Variants in NRN1 observed in about 807,000 individuals in gnomAD.
NRN1 encodes the protein neuritin.
In NRN1, 4 loss-of-function variants were observed where a neutral mutation model predicts 15.0. The ratio of observed to expected loss-of-function variants is 0.27; its 90% CI spans 0.13 to 0.61. The LOEUF is 0.61. Ranked by LOEUF, NRN1 falls within the 20% of genes least tolerant of loss-of-function variation. NRN1 has a pLI of 0.87. For synonymous variants in NRN1, 85 were observed against 79.8 expected (o/e 1.07, Z -0.35); for missense variants, 134 against 181.9 (o/e 0.74, Z 1.51).
chr6:6,004,061 T>A (rs905920134), intron 1 of NRN1: 19 of 1,136,976 alleles, frequency 1.7e-5, no homozygotes, highest in Non-Finnish European at 1.9e-5. Flanking sequence ...TCCGAGAGCG[T>A]ACCCGTTTGC....
chr6:6,002,571 C>T (rs1757983517), intron 1 of NRN1, 74 bp from the exon 2 acceptor site: 3 of 1,555,188 alleles, frequency 1.9e-6, no homozygotes, highest in South Asian at 1.2e-5. Flanking sequence ...TCCTGCGAGA[C>T]CCTGGCTCCG....
At position 5,999,212 on chromosome 6, in the gene NRN1, G is replaced by A. The variant is rs1044474589; in HGVS notation, c.201-8C>T. ...TGGAAATCCTCCCAGTATCTGGTGA[G>A]GAACAGAACAAAACAGAACAAGCAG... is the stretch of plus-strand genomic sequence containing the variant. On this transcript the variant is annotated splice_region_variant and splice_polypyrimidine_tract_variant and intron_variant, in intron 2 of 2. Coordinates refer to ENST00000244766, the MANE Select transcript of NRN1 (RefSeq NM_016588.3). The A allele has an allele frequency of 3.7e-6, 6 of 1,609,568 alleles. No homozygotes were observed. The highest frequency in any genetic ancestry group is 5.1e-6 in the Non-Finnish European group (6 of 1,176,986).
In NRN1 at chr6:6,000,754, C is replaced by G. The variant is rs685152; in HGVS notation, c.201-1550G>C. On this transcript the variant is annotated intron_variant, in intron 2 of 2. Transcript: ENST00000244766. ...TTTTTTTTTTTTTTTTTTTTATGTACGCCCAGATGAGGGCAGAGTTCTGAG... is the reference window on the plus strand; with the variant it reads ...TTTTTTTTTTTTTTTTTTTTATGTAGGCCCAGATGAGGGCAGAGTTCTGAG... 1.8e-4 allele frequency among the ~76,000 whole-genome samples: 15 copies of G among 83,730 alleles called. 1 individual carries two copies. The highest frequency in any genetic ancestry group is 1.1e-3 in the Admixed American group (9 of 8,208). The allele number at this position is 83,730 out of a possible 152,430, so 54.9% of individuals were successfully genotyped here.
Position 6,006,713 on chromosome 6 carries a change from T to A in NRN1, c.37A>T (p.Ile13Phe), listed in dbSNP as rs938724602. The change falls in exon 1 of 3, where the codon ATC becomes TTC. Residue 13 changes from isoleucine (I) to phenylalanine (F), a missense_variant. Physicochemically the swap from Ile to Phe is conservative, Grantham distance 21. Coordinates refer to ENST00000244766, the MANE Select transcript of NRN1 (RefSeq NM_016588.3). ...LKLNGRYISL[I>F]LAVQIAYLVQ... Reference sequence around the variant, plus strand: ...CACTTACCTATTTGCACCGCGAGGATCAGTGAAATATATCTGCCGTTCAAC... The same window carrying A: ...CACTTACCTATTTGCACCGCGAGGAACAGTGAAATATATCTGCCGTTCAAC... 3.1e-6 allele frequency: 5 copies of A among 1,614,018 alleles called. No homozygotes were observed. The highest frequency in any genetic ancestry group is 4.2e-6 in the Non-Finnish European group (5 of 1,180,008).
At chr6:6,002,070 G>T (rs942884071) in intron 2 of NRN1, among the ~76,000 whole-genome samples, 1 of 152,204 alleles carries the variant, frequency 6.6e-6, no homozygotes, top group East Asian at 1.9e-4. Context: ...TCGAGCATGC[G>T]CACCTCTGTG....
chr6:5,999,007 G>A lies in NRN1; in HGVS notation c.398C>T (p.Ser133Leu), dbSNP rs750832871. The A allele has an allele frequency of 5.0e-6, 8 of 1,612,866 alleles. No individual in the cohort carries two copies. Among genetic ancestry groups the A allele is most frequent in the South Asian group, 2.2e-5 (2 of 91,028 alleles). Residue 133 changes from serine (S) to leucine (L), a missense_variant, in exon 3 of 3, where the codon TCG becomes TTG. Physicochemically the swap from Ser to Leu is moderately radical, Grantham distance 145. Transcript: ENST00000244766. ...GGAAAGCCAGGTCGCTAAAGCTGCC[G>A]AGAGAGACACCAGGAGCACCGGGAA... ...PAFPVLLVSL[S>L]AALATWLSF
intron 2 of NRN1, among the ~76,000 whole-genome samples, chr6:5,999,424 G>A (rs1448081613): frequency 6.6e-6 from 1 of 152,246 alleles, no homozygotes; most frequent in African/African-American, 2.4e-5. Flanking sequence ...CGGGGGTGGG[G>A]GGGCGCCCCC....
chr6:6,001,352 G>T (rs1757940300), intron 2 of NRN1, among the ~76,000 whole-genome samples: 2 of 152,270 alleles, frequency 1.3e-5, no homozygotes, highest in Non-Finnish European at 2.9e-5. Context: ...CAGTTATTTT[G>T]GGGGTGGGGG....
At chr6:6,003,555 C>T (rs1286718838) in intron 1 of NRN1, 2 of 558,072 alleles carry the variant, frequency 3.6e-6, no homozygotes, top group Non-Finnish European at 5.4e-6. Context: ...GGACTCCCTG[C>T]AGAGAGCAGG....
intron 1 of NRN1, 45 bp from the exon 2 acceptor site, chr6:6,002,542 C>G (rs543272162): frequency 3.1e-6 from 5 of 1,592,472 alleles, no homozygotes; most frequent in Non-Finnish European, 4.3e-6. Context: ...ACGACCCCGC[C>G]CTGCCGCCCA....
chr6:6,006,964 G>T (rs1198524484), upstream of NRN1: 4 of 228,458 alleles, frequency 1.8e-5, no homozygotes, highest in African/African-American at 8.3e-5. Context: ...AGAGGCTGAG[G>T]GGGGGGGGAG....
At chr6:6,003,267 G>T (rs1000659634) in intron 1 of NRN1, 2 of 1,234,434 alleles carry the variant, frequency 1.6e-6, no homozygotes, top group Admixed American at 8.4e-5. Context: ...CGCGGATGAT[G>T]AGTGGTCTGG....
At chr6:6,000,262 G>A (rs1757906495) in intron 2 of NRN1, among the ~76,000 whole-genome samples, 1 of 152,170 alleles carries the variant, frequency 6.6e-6, no homozygotes, top group Non-Finnish European at 1.5e-5. Flanking sequence ...CCCAGGCTCA[G>A]CTCCTAGACC....
chr6:6,003,987 G>T (rs1395761743), intron 1 of NRN1: 7 of 1,217,274 alleles, frequency 5.8e-6, no homozygotes, highest in Non-Finnish European at 6.1e-6. Context: ...CCCCCAACGC[G>T]GGCGCCTGTC....
Position 6,006,658 on chromosome 6 carries a change from C to CGCCTCCA in NRN1, c.55+30_55+36dup, listed in dbSNP as rs758199967. The CGCCTCCA allele has an allele frequency of 2.9e-5, 47 of 1,605,900 alleles. No individual in the cohort carries two copies. The South Asian group carries it at 3.3e-4, about 11-fold the overall frequency. On this transcript the variant is annotated intron_variant, in intron 1 of 2. Transcript: ENST00000244766. ...CCTCGGGCCGGGGCAGGCTGCCTCC[C>CGCCTCCA]GCCTCCAGCCTCCAGCCGGGCTGAG... is the stretch of plus-strand genomic sequence containing the variant.
intron 1 of NRN1, 56 bp downstream of exon 1, chr6:6,006,639 G>T: frequency 1.3e-6 from 2 of 1,572,878 alleles, no homozygotes; most frequent in Non-Finnish European, 1.7e-6. Flanking sequence ...CGCGCCTCGG[G>T]CCGGGGCAGG....
Position 5,998,100 on chromosome 6 carries a change from T to TC in NRN1, c.*875dup, listed in dbSNP as rs1361880580. The stretch of plus-strand genomic sequence containing the variant: ...AAACTTTTTAAATTACATCTCTCTC[T>TC]CTTTTTTTTTTAAAATCAAGGCTCT... On this transcript the variant is annotated 3_prime_UTR_variant, in exon 3 of 3. Coordinates refer to ENST00000244766, the MANE Select transcript of NRN1 (RefSeq NM_016588.3). 1 of 115,720 alleles carries TC rather than the reference T, an allele frequency of 8.6e-6. No homozygotes were observed. The highest frequency in any genetic ancestry group is 2.1e-5 in the Non-Finnish European group (1 of 47,018). The allele number at this position is 115,720 out of a possible 1,614,324, so 7.2% of individuals were successfully genotyped here.
At chr6:6,006,948 A>C, upstream of NRN1, 1 of 158,088 alleles carries the variant, frequency 6.3e-6, no homozygotes, top group Non-Finnish European at 1.1e-5. Flanking sequence ...AAAGAGAGAG[A>C]GAGAGAGAGG....
At chr6:6,006,946 AG>A, upstream of NRN1, 1 of 161,308 alleles carries the variant, frequency 6.2e-6, no homozygotes. Context: ...AGAAAGAGAG[AG>A]AGAGAGAGAG....
Sources: gnomAD v4.1 joint callset for allele counts (sites outside exome capture counted in the v4.1 genomes callset) on GRCh38, gnomAD v4.1.1 for gene constraint, MANE v1.5 for transcripts, NCBI Gene and HGNC (gene_info 2026-07-23, HGNC 2026-07-21) for gene names.